ANKRD11: variants seen among roughly 807,000 people sequenced by gnomAD.
ANKRD11 encodes ankyrin repeat domain 11.
Under a neutral mutation model 195.7 loss-of-function variants are expected in ANKRD11, and 17 were observed. The ratio of observed to expected loss-of-function variants is 0.09; its 90% CI spans 0.06 to 0.13. The LOEUF is 0.13. Ranked by LOEUF, ANKRD11 falls within the 10% of genes least tolerant of loss-of-function variation. The pLI, the probability that ANKRD11 is intolerant of heterozygous loss-of-function variation, is 1.00. For missense variants in ANKRD11, 3,735 were observed against 3,566.1 expected, an observed-to-expected ratio of 1.05 and a Z score of -1.21; for synonymous variants, 1,953 against 1,528.1, an observed-to-expected ratio of 1.28 and a Z score of -6.49.
At chr16:89,360,244 T>C (rs1285986141) in intron 2 of ANKRD11, among the ~76,000 whole-genome samples, 1 of 152,228 alleles carries the variant, frequency 6.6e-6, no homozygotes, top group Non-Finnish European at 1.5e-5. Context: ...ATCTCGTTCA[T>C]TTTTATGGCT....
chr16:89,474,543 T>G (rs1194399224), intron 1 of ANKRD11, among the ~76,000 whole-genome samples: 1 of 151,996 alleles, frequency 6.6e-6, no homozygotes, highest in Non-Finnish European at 1.5e-5. Flanking sequence ...TCCATGCTAC[T>G]TCCTTCCATG....
rs1555578690 is a variant in ANKRD11 at position 89,435,835 on chromosome 16, C to CA, written c.-144-17468_-144-17467insT. 5.8e-3 allele frequency among the ~76,000 whole-genome samples: 865 copies of CA among 150,028 alleles called. 9 individuals are homozygous for CA. Among genetic ancestry groups the CA allele is most frequent in the African/African-American group, 0.021 (825 of 39,714 alleles). On this transcript the variant is annotated intron_variant, in intron 1 of 12. Transcript: ENST00000301030. ...ACACACACACACACACACACACACACGCTTTCGGTCTGTTCGCTCAAGGAA... is the reference window on the plus strand; with the variant it reads ...ACACACACACACACACACACACACACAGCTTTCGGTCTGTTCGCTCAAGGAA...
chr16:89,480,614 G>T (rs1027758130), intron 1 of ANKRD11, among the ~76,000 whole-genome samples: 1 of 152,112 alleles, frequency 6.6e-6, no homozygotes, highest in African/African-American at 2.4e-5. Flanking sequence ...ATGTATTTGG[G>T]CAAACAGAAT....
intron 1 of ANKRD11, among the ~76,000 whole-genome samples, chr16:89,473,020 G>A (rs896584005): frequency 5.3e-5 from 8 of 151,948 alleles, no homozygotes; most frequent in African/African-American, 1.9e-4. Flanking sequence ...GTGAGACCCC[G>A]ACTCTACAAA....
In ANKRD11 at chr16:89,293,580, AG is replaced by A. The variant is rs1263573187; in HGVS notation, c.227-2398del. On this transcript the variant is annotated intron_variant, in intron 4 of 12. Coordinates refer to ENST00000301030, the MANE Select transcript of ANKRD11 (RefSeq NM_013275.6). ...GGGGCGGTATTGGGGCTGCGGAGGG[AG>A]GAGCTGGGGCAGAGTTGGGGCTGCG... Among the ~76,000 whole-genome samples, 4 of 80,278 alleles carry A rather than the reference AG, an allele frequency of 5.0e-5. No homozygotes were observed. In the East Asian group the frequency reaches 1.7e-3, roughly 35 times the overall value. The allele number at this position is 80,278 out of a possible 152,430, so 52.7% of individuals were successfully genotyped here.
chr16:89,475,706 C>T (rs930618788), intron 1 of ANKRD11, among the ~76,000 whole-genome samples: 2 of 152,098 alleles, frequency 1.3e-5, no homozygotes, highest in African/African-American at 4.8e-5. Context: ...GATATCTCCA[C>T]GAAACACAAA....
chr16:89,345,245 G>GC (rs1410557302), intron 2 of ANKRD11, among the ~76,000 whole-genome samples: 7 of 146,996 alleles, frequency 4.8e-5, no homozygotes, highest in Non-Finnish European at 9.0e-5. Context: ...CATATTACAA[G>GC]CCCCCCCTCC....
In ANKRD11 at chr16:89,490,523, G is replaced by A. The variant is rs1963872895; in HGVS notation, c.-423C>T. Reference sequence around the variant, plus strand: ...TCGGCGGCGGCGCCTCCCCGGCTGGGGCCCTCGGTCCATCGCGCACCGTCT... The same window carrying A: ...TCGGCGGCGGCGCCTCCCCGGCTGGAGCCCTCGGTCCATCGCGCACCGTCT... On this transcript the variant is annotated 5_prime_UTR_variant, in exon 1 of 13. Coordinates refer to ENST00000301030, the MANE Select transcript of ANKRD11 (RefSeq NM_013275.6). The A allele has an allele frequency of 1.3e-5, 6 of 471,750 alleles. No individual in the cohort carries two copies. The highest frequency in any genetic ancestry group is 2.3e-5 in the Non-Finnish European group (6 of 262,654). 29.2% of individuals were successfully genotyped at this position (471,750 alleles called of 1,614,324 possible).
At chr16:89,351,917 T>C (rs547081410) in intron 2 of ANKRD11, among the ~76,000 whole-genome samples, 2 of 152,286 alleles carry the variant, frequency 1.3e-5, no homozygotes, top group Admixed American at 6.5e-5. Flanking sequence ...CAAGCTGGTA[T>C]TATCTCTTTT....
intron 1 of ANKRD11, among the ~76,000 whole-genome samples, chr16:89,469,210 G>A (rs2056985937): frequency 6.6e-6 from 1 of 151,892 alleles, no homozygotes; most frequent in Non-Finnish European, 1.5e-5. Flanking sequence ...AAAGAAATAA[G>A]CCTGTGATAT....
chr16:89,276,213 G>A (rs1182713866), intron 9 of ANKRD11, among the ~76,000 whole-genome samples: 1 of 152,220 alleles, frequency 6.6e-6, no homozygotes. Flanking sequence ...CAACGCTGGC[G>A]ATGCCGGGCA....
chr16:89,409,083 G>C (rs1361542625), intron 2 of ANKRD11, among the ~76,000 whole-genome samples: 1 of 152,214 alleles, frequency 6.6e-6, no homozygotes, highest in Admixed American at 6.5e-5. Context: ...GAGCAGCCAA[G>C]GGAAGCTGGG....
intron 7 of ANKRD11, chr16:89,287,932 G>T (rs2034763065): frequency 4.7e-6 from 2 of 427,460 alleles, no homozygotes; most frequent in Non-Finnish European, 8.3e-6. Flanking sequence ...TCTCCACGGA[G>T]CTCTGATGAA....
chr16:89,457,120 C>T (rs891889281), intron 1 of ANKRD11, among the ~76,000 whole-genome samples: 8 of 150,334 alleles, frequency 5.3e-5, no homozygotes, highest in Admixed American at 2.0e-4. Context: ...CCACTACGCC[C>T]GGCTAATTTT....
intron 2 of ANKRD11, among the ~76,000 whole-genome samples, chr16:89,343,019 G>A (rs1224635181): frequency 2.0e-5 from 3 of 152,134 alleles, no homozygotes; most frequent in Non-Finnish European, 2.9e-5. Context: ...AAATATAAGC[G>A]CTTTTTAAAT....
chr16:89,390,841 C>T (rs576157441), intron 2 of ANKRD11, among the ~76,000 whole-genome samples: 10 of 152,286 alleles, frequency 6.6e-5, no homozygotes, highest in African/African-American at 1.7e-4. Flanking sequence ...CCCTGCCCTC[C>T]GCATCTGACT....
At chr16:89,422,266 G>T (rs191126255) in intron 1 of ANKRD11, 6 of 152,226 alleles carry the variant, frequency 3.9e-5, no homozygotes, top group Admixed American at 2.6e-4. Context: ...GTCAGTTAGG[G>T]TGGCACCACT....
At chr16:89,365,399 G>A (rs1567704603) in intron 2 of ANKRD11, among the ~76,000 whole-genome samples, 1 of 152,150 alleles carries the variant, frequency 6.6e-6, no homozygotes, top group Non-Finnish European at 1.5e-5. Flanking sequence ...GACATCCTTG[G>A]CCACACAAGA....
At chr16:89,330,615 G>A (rs1423585471) in intron 2 of ANKRD11, among the ~76,000 whole-genome samples, 1 of 145,622 alleles carries the variant, frequency 6.9e-6, no homozygotes, top group Non-Finnish European at 1.5e-5. Flanking sequence ...GGCTGCGTGA[G>A]GGTCCTCGTG....
Sources: allele counts gnomAD v4.1 joint callset (sites outside exome capture counted in the v4.1 genomes callset), GRCh38; gene constraint gnomAD v4.1.1; transcripts MANE v1.5; gene names NCBI Gene and HGNC (gene_info 2026-07-23, HGNC 2026-07-21).